Variants in KDM4B observed in about 807,000 individuals in gnomAD.
The protein encoded by KDM4B is lysine demethylase 4B.
In KDM4B, 32 loss-of-function variants were observed where a neutral mutation model predicts 125.2. The observed-to-expected ratio is 0.26, with a 90% CI of 0.19 to 0.34. The LOEUF is 0.34. Among genes scored for constraint, KDM4B ranks in the 10% least tolerant of loss-of-function variants. The probability of loss-of-function intolerance (pLI) is 1.00; values close to 1 mark genes in which losing one functional copy is unlikely to be tolerated. For synonymous variants in KDM4B, 721 were observed against 677.9 expected, an observed-to-expected ratio of 1.06 and a Z score of -0.99; for missense variants, 1,190 against 1,577.7, an observed-to-expected ratio of 0.75 and a Z score of 4.16.
intron 11 of KDM4B, among the ~76,000 whole-genome samples, chr19:5,124,969 G>A (rs1371862559): frequency 6.6e-6 from 1 of 151,624 alleles, no homozygotes; most frequent in Non-Finnish European, 1.5e-5. Context: ...GTGCAGTCAC[G>A]GCTCACTGCA....
At chr19:5,066,651 A>G (rs993772848) in intron 6 of KDM4B, among the ~76,000 whole-genome samples, 2 of 151,680 alleles carry the variant, frequency 1.3e-5, no homozygotes, top group East Asian at 3.9e-4. Flanking sequence ...TTGTTTCTTG[A>G]CCTCCTGGTC....
Position 5,114,586 on chromosome 19 carries a change from C to G in KDM4B, c.1115+3768C>G. ...TCACTTGCTGTCTCCTGTCTCTTTC[C>G]TAGAGCTGCCCTTCATTTTCTCAAA... On this transcript the variant is annotated intron_variant, in intron 10 of 22. Transcript: ENST00000159111. The surrounding 1 kb of genome is among the most constrained non-coding windows in gnomAD (Gnocchi z 5.8). 3.0e-6 allele frequency: 1 copy of G among 328,118 alleles called. No individual in the cohort carries two copies. The highest frequency in any genetic ancestry group is 2.3e-5 in the South Asian group (1 of 43,116). The allele number at this position is 328,118 out of a possible 1,614,324, so 20.3% of individuals were successfully genotyped here.
chr19:5,138,988 T>C (rs2039696945), intron 18 of KDM4B, among the ~76,000 whole-genome samples: 1 of 152,188 alleles, frequency 6.6e-6, no homozygotes, highest in Admixed American at 6.5e-5. Context: ...AGTGGTGTGA[T>C]CACAGCTCTC....
At chr19:5,040,840 CAA>C (rs1000080693) in intron 4 of KDM4B, among the ~76,000 whole-genome samples, 3 of 152,198 alleles carry the variant, frequency 2.0e-5, no homozygotes, top group African/African-American at 4.8e-5. Flanking sequence ...ACAGGGATGA[CAA>C]GAGCCTCCCA....
chr19:5,148,848 T>C (rs551287929), intron 21 of KDM4B, among the ~76,000 whole-genome samples: 20 of 152,258 alleles, frequency 1.3e-4, no homozygotes, highest in Admixed American at 1.0e-3. Context: ...CTTCTCCCGG[T>C]GGCTTTCCTC....
intron 21 of KDM4B, among the ~76,000 whole-genome samples, chr19:5,148,094 G>C (rs926755691): frequency 6.6e-6 from 1 of 152,224 alleles, no homozygotes; most frequent in Non-Finnish European, 1.5e-5. Flanking sequence ...TCCCTCGCAC[G>C]TGACCCCTCG....
intron 6 of KDM4B, among the ~76,000 whole-genome samples, chr19:5,057,063 T>TGTGTGTGC (rs1555701553): frequency 1.5e-5 from 2 of 134,442 alleles, no homozygotes; most frequent in African/African-American, 5.5e-5. Flanking sequence ...TGTGTGTGTG[T>TGTGTGTGC]GTGCGCGCGC....
At chr19:5,107,874 C>A (rs73546212) in intron 9 of KDM4B, among the ~76,000 whole-genome samples, 1 of 152,258 alleles carries the variant, frequency 6.6e-6, no homozygotes, top group African/African-American at 2.4e-5. Context: ...GACCCACCGG[C>A]CTTGCCTCCT....
chr19:4,990,887 G>T (rs1283227344), intron 1 of KDM4B, among the ~76,000 whole-genome samples: 2 of 152,152 alleles, frequency 1.3e-5, no homozygotes, highest in Non-Finnish European at 2.9e-5. Context: ...TTGGGAGTCT[G>T]AGGTGGGCGG....
rs78287977 is a variant in KDM4B at position 5,116,525 on chromosome 19, G to A, written c.1116-3128G>A. Reference sequence around the variant, plus strand: ...GGATGTAAATCGAGAAAGCCATGGGGTTGAGGAAACAAGATCTAACCCAGG... The same window carrying A: ...GGATGTAAATCGAGAAAGCCATGGGATTGAGGAAACAAGATCTAACCCAGG... On this transcript the variant is annotated intron_variant, in intron 10 of 22. Transcript: ENST00000159111. 6.6e-3 allele frequency among the ~76,000 whole-genome samples: 1,007 copies of A among 152,326 alleles called. 10 individuals are homozygous for A. Among genetic ancestry groups the A allele is most frequent in the African/African-American group, 0.023 (964 of 41,570 alleles).
intron 21 of KDM4B, among the ~76,000 whole-genome samples, chr19:5,149,637 G>C (rs1353494926): frequency 1.3e-5 from 2 of 152,200 alleles, no homozygotes; most frequent in Non-Finnish European, 2.9e-5. Flanking sequence ...CCCCTCCCTG[G>C]CACGCCCTTC....
intron 18 of KDM4B, chr19:5,140,796 G>A (rs1412278717): frequency 2.0e-5 from 3 of 152,174 alleles, no homozygotes; most frequent in Non-Finnish European, 4.4e-5. Flanking sequence ...CCCACTAAGG[G>A]CTGTGCATGT....
intron 1 of KDM4B, among the ~76,000 whole-genome samples, chr19:5,008,849 C>T (rs2035642960): frequency 6.6e-6 from 1 of 150,806 alleles, no homozygotes; most frequent in Admixed American, 6.6e-5. Flanking sequence ...GATCTGCCCG[C>T]CTTGGCCTCC....
At position 5,095,024 on chromosome 19, in the gene KDM4B, G is replaced by T. The variant is rs1053185145; in HGVS notation, c.918+12520G>T. ...GCAGGGGCAGTGTGAGGGATGGGACGTGTTGAGCCATAGATGTCCTGTCGG... is the reference window on the plus strand; with the variant it reads ...GCAGGGGCAGTGTGAGGGATGGGACTTGTTGAGCCATAGATGTCCTGTCGG... On this transcript the variant is annotated intron_variant, in intron 9 of 22. Coordinates refer to ENST00000159111, the MANE Select transcript of KDM4B (RefSeq NM_015015.3). 1.5e-4 allele frequency among the ~76,000 whole-genome samples: 23 copies of T among 152,272 alleles called. 1 individual carries two copies. The highest frequency in any genetic ancestry group is 1.4e-3 in the Admixed American group (21 of 15,306).
intron 9 of KDM4B, among the ~76,000 whole-genome samples, chr19:5,085,731 C>T (rs990097674): frequency 2.0e-5 from 3 of 152,202 alleles, no homozygotes; most frequent in African/African-American, 7.2e-5. Flanking sequence ...CTGGCCTGGG[C>T]GGCGAGGGCC....
In KDM4B at chr19:4,986,652, C is replaced by G. The variant is rs117938728; in HGVS notation, c.-109+17422C>G. Among the ~76,000 whole-genome samples the G allele has an allele frequency of 5.9e-5, 9 of 152,334 alleles. No homozygotes were observed. The East Asian group carries it at 1.4e-3, about 23-fold the overall frequency. On this transcript the variant is annotated intron_variant, in intron 1 of 22. Coordinates refer to ENST00000159111, the MANE Select transcript of KDM4B (RefSeq NM_015015.3). Reference sequence around the variant, plus strand: ...CTGGATTAGGGCCCTCGAGGGGCGGCGCTGCTTTAGCCGGGGGAACAGGGA... The same window carrying G: ...CTGGATTAGGGCCCTCGAGGGGCGGGGCTGCTTTAGCCGGGGGAACAGGGA...
chr19:5,047,477 A>C lies in KDM4B; in HGVS notation c.434A>C (p.Asp145Ala). ...ADISGSLYDD[D>A]VAQWNIGSLR... Reference sequence around the variant, plus strand: ...CGACGCTGCTCTGCCGCCCCACAGGACGTGGCCCAGTGGAACATCGGGAGC... The same window carrying C: ...CGACGCTGCTCTGCCGCCCCACAGGCCGTGGCCCAGTGGAACATCGGGAGC... The change falls in exon 6 of 23, where the codon GAC becomes GCC. Residue 145 changes from aspartate (D) to alanine (A), a missense_variant and splice_region_variant. By Grantham distance (126) the Asp-to-Ala change is moderately radical. Around this residue, in one of 7 missense-constraint regions of KDM4B, gnomAD observed 139 missense variants for 248.3 expected, o/e 0.56. Transcript: ENST00000159111. The C allele has an allele frequency of 6.2e-7, 1 of 1,605,854 alleles. No homozygotes were observed. The highest frequency in any genetic ancestry group is 8.5e-7 in the Non-Finnish European group (1 of 1,175,000).
At chr19:5,100,521 A>G (rs1259669233) in intron 9 of KDM4B, among the ~76,000 whole-genome samples, 4 of 152,120 alleles carry the variant, frequency 2.6e-5, no homozygotes, top group Admixed American at 6.5e-5. Flanking sequence ...TCAAACTCCT[A>G]GGCTCAAGTG....
intron 6 of KDM4B, among the ~76,000 whole-genome samples, chr19:5,050,301 C>T (rs2037178088): frequency 6.6e-6 from 1 of 152,250 alleles, no homozygotes; most frequent in South Asian, 2.1e-4. Flanking sequence ...AGGCTGGCTT[C>T]TGTGGTGCTC....
Sources: allele counts gnomAD v4.1 joint callset (sites outside exome capture counted in the v4.1 genomes callset), GRCh38; gene constraint gnomAD v4.1.1; regional missense constraint gnomAD v4.1.1; non-coding constraint Gnocchi (gnomAD v3.1); transcripts MANE v1.5; gene names NCBI Gene and HGNC (gene_info 2026-07-23, HGNC 2026-07-21).